DERA: variants seen among roughly 807,000 people sequenced by gnomAD.
DERA encodes the protein 2-deoxy-D-ribose 5-phosphate aldolase.
A neutral mutation model predicts 41.1 loss-of-function variants in DERA; 15 were observed. The observed-to-expected ratio is 0.37, with a 90% CI of 0.24 to 0.56. The LOEUF is 0.56. Ranked by LOEUF, DERA falls within the 20% of genes least tolerant of loss-of-function variation. The pLI, the probability that DERA is intolerant of heterozygous loss-of-function variation, is 0.81. For synonymous variants in DERA, 139 were observed against 137.4 expected (o/e 1.01, Z -0.08); for missense variants, 396 against 403.4 (o/e 0.98, Z 0.16).
chr12:15,949,482 G>A (rs146161216), intron 1 of DERA, among the ~76,000 whole-genome samples: 3,029 of 142,680 alleles, frequency 0.021, 109 homozygotes, highest in African/African-American at 0.072. Context: ...CTCCGTGGGC[G>A]TGGGACCCTC....
rs1356145825 is a variant in DERA, at chr12:16,026,546, T to C, written c.638-5996T>C. Among the ~76,000 whole-genome samples the C allele has an allele frequency of 2.0e-5, 3 of 150,754 alleles. No individual in the cohort carries two copies. Among genetic ancestry groups the C allele is most frequent in the Non-Finnish European group, 4.4e-5 (3 of 67,626 alleles). ...TTATTTAAATTTAATTTAATTTCTT[T>C]TATAAAATATTTAATGTGACTTTTA... is the stretch of plus-strand genomic sequence containing the variant. On this transcript the variant is annotated intron_variant, in intron 6 of 8. Transcript: ENST00000428559. The surrounding 1 kb of genome is among the most constrained non-coding windows in gnomAD (Gnocchi z 4.4).
Position 15,935,343 on chromosome 12 carries a change from C to T in DERA, c.32-21593C>T, listed in dbSNP as rs538230702. On this transcript the variant is annotated intron_variant, in intron 1 of 8. Coordinates refer to ENST00000428559, the MANE Select transcript of DERA (RefSeq NM_015954.4). The surrounding 1 kb of genome is among the most constrained non-coding windows in gnomAD (Gnocchi z 4.8). ...CTCTACAAAAAATATAAAAATTAGCCAGGTGTGGTGGCATCCACCTGTAGT... is the reference window on the plus strand; with the variant it reads ...CTCTACAAAAAATATAAAAATTAGCTAGGTGTGGTGGCATCCACCTGTAGT... 6.6e-6 allele frequency among the ~76,000 whole-genome samples: 1 copy of T among 152,004 alleles called. No individual in the cohort carries two copies. The highest frequency in any genetic ancestry group is 6.6e-5 in the Admixed American group (1 of 15,262).
chr12:15,956,120 G>C (rs542143791), intron 1 of DERA, among the ~76,000 whole-genome samples: 16 of 152,326 alleles, frequency 1.1e-4, no homozygotes, highest in African/African-American at 3.8e-4. Context: ...TACAACGAAT[G>C]GTTTCACCAG....
rs1198646283 is a variant in DERA at position 15,911,519 on chromosome 12, G to A, written c.31+105G>A. 1.7e-6 allele frequency: 2 copies of A among 1,193,094 alleles called. No homozygotes were observed. The highest frequency in any genetic ancestry group is 2.6e-5 in the East Asian group (1 of 38,028). 73.9% of individuals were successfully genotyped at this position (1,193,094 alleles called of 1,614,324 possible). On this transcript the variant is annotated intron_variant, in intron 1 of 8. Transcript: ENST00000428559. This position sits in a 1 kb window ranked among gnomAD's most constrained non-coding sequence, Gnocchi z 4.5. ...CAGTGCCCTGGCTGTGGGTCCCCGA[G>A]GGGTTTTCGCTGGGGCGGGAAGCAG...
chr12:15,970,306 T>A lies in DERA; in HGVS notation c.508+7359T>A, dbSNP rs1221896452. Among the ~76,000 whole-genome samples the A allele has an allele frequency of 1.3e-5, 2 of 152,210 alleles. No homozygotes were observed. The highest frequency in any genetic ancestry group is 2.9e-5 in the Non-Finnish European group (2 of 68,030). On this transcript the variant is annotated intron_variant, in intron 5 of 8. Coordinates refer to ENST00000428559, the MANE Select transcript of DERA (RefSeq NM_015954.4). This position sits in a 1 kb window ranked among gnomAD's most constrained non-coding sequence, Gnocchi z 4.3. ...ACAATTATTTTTAAGTGCCTTTGAATAGCAGGAAATATAGAAGGAAATATA... is the reference window on the plus strand; with the variant it reads ...ACAATTATTTTTAAGTGCCTTTGAAAAGCAGGAAATATAGAAGGAAATATA...
rs796160857 is a variant in DERA at position 15,978,671 on chromosome 12, C to T, written c.509-3637C>T. ...AACTTGTTTGTGATATATAGTAAGC[C>T]GTTTCCCCCAGACTGTTTTTTTAGG... is the stretch of plus-strand genomic sequence containing the variant. On this transcript the variant is annotated intron_variant, in intron 5 of 8. Coordinates refer to ENST00000428559, the MANE Select transcript of DERA (RefSeq NM_015954.4). 7.9e-5 allele frequency among the ~76,000 whole-genome samples: 12 copies of T among 152,190 alleles called. No homozygotes were observed. In the South Asian group the frequency reaches 8.3e-4, roughly 11 times the overall value.
In DERA at chr12:15,962,908, G is replaced by T. The variant is rs369397820; in HGVS notation, c.469G>T (p.Val157Leu). ...AGATGGAGCTACAGAAATCGACGTG[G>T]TAATTAACAGAAGCTTGGTGCTGAC... ...VEDGATEIDV[V>L]INRSLVLTGQ... is the part of the protein sequence containing the mutation. Residue 157 changes from valine (V) to leucine (L), a missense_variant, in exon 5 of 9, where the codon GTA (valine) becomes TTA (leucine). Coordinates refer to ENST00000428559, the MANE Select transcript of DERA (RefSeq NM_015954.4). The T allele has an allele frequency of 6.2e-6, 10 of 1,602,612 alleles. No individual in the cohort carries two copies. In the African/African-American group the frequency reaches 1.3e-4, roughly 21 times the overall value.
chr12:15,912,316 G>C (rs1170699793), intron 1 of DERA, among the ~76,000 whole-genome samples: 1 of 152,144 alleles, frequency 6.6e-6, no homozygotes, highest in Non-Finnish European at 1.5e-5. Flanking sequence ...ACATGTTTCA[G>C]AGAGCACAGG....
Position 15,936,911 on chromosome 12 carries a change from CTGT to C in DERA, c.32-20024_32-20022del, listed in dbSNP as rs1565588682. Among the ~76,000 whole-genome samples, 1,485 of 142,206 alleles carry C rather than the reference CTGT, an allele frequency of 0.01. 45 individuals are homozygous for C. Among genetic ancestry groups the C allele is most frequent in the African/African-American group, 0.037 (1,420 of 38,408 alleles). The allele number at this position is 142,206 out of a possible 152,430, so 93.3% of individuals were successfully genotyped here. On this transcript the variant is annotated intron_variant, in intron 1 of 8. Transcript: ENST00000428559. This position sits in a 1 kb window ranked among gnomAD's most constrained non-coding sequence, Gnocchi z 4.6. ...TTGTCCTGTCCTGTCCTGTCCTGTC[CTGT>C]CCTGTCCTGTCCTGTCCTGTCTTGT...
chr12:15,963,657 T>G (rs1948604017), intron 5 of DERA, among the ~76,000 whole-genome samples: 1 of 152,204 alleles, frequency 6.6e-6, no homozygotes, highest in Non-Finnish European at 1.5e-5. Context: ...TTATAATAAA[T>G]AGTTTAACCA....
Position 16,014,913 on chromosome 12 carries a change from G to C in DERA, c.638-17629G>C, listed in dbSNP as rs556431002. ...TGATATGAGACATGGAGTCAAAGGA[G>C]ATCTTTTTGTAGCTTTAAGATTTGA... On this transcript the variant is annotated intron_variant, in intron 6 of 8. Transcript: ENST00000428559. The surrounding 1 kb of genome is among the most constrained non-coding windows in gnomAD (Gnocchi z 5.4). Among the ~76,000 whole-genome samples, 9 of 152,312 alleles carry C rather than the reference G, an allele frequency of 5.9e-5. No individual in the cohort carries two copies. In the South Asian group the frequency reaches 1.9e-3, roughly 32 times the overall value.
chr12:16,022,296 C>T (rs1287343566), intron 6 of DERA, among the ~76,000 whole-genome samples: 1 of 152,134 alleles, frequency 6.6e-6, no homozygotes, highest in Admixed American at 6.5e-5. Flanking sequence ...TCCCTCTTTG[C>T]CTTCTGCCAT....
In DERA at chr12:15,911,486, C is replaced by T. The variant is rs1948163215; in HGVS notation, c.31+72C>T. On this transcript the variant is annotated intron_variant, in intron 1 of 8. Transcript: ENST00000428559. This position sits in a 1 kb window ranked among gnomAD's most constrained non-coding sequence, Gnocchi z 4.5. Reference sequence around the variant, plus strand: ...GCCGCCGGGACTAGCGCGGGGCCTGCTGCCGCCCAGTGCCCTGGCTGTGGG... The same window carrying T: ...GCCGCCGGGACTAGCGCGGGGCCTGTTGCCGCCCAGTGCCCTGGCTGTGGG... The T allele has an allele frequency of 7.4e-7, 1 of 1,360,510 alleles. No homozygotes were observed. Among genetic ancestry groups the T allele is most frequent in the Non-Finnish European group, 9.6e-7 (1 of 1,038,272 alleles). The allele number at this position is 1,360,510 out of a possible 1,614,324, so 84.3% of individuals were successfully genotyped here. A position where few individuals can be genotyped will look rare whatever the true frequency, so the allele number is the denominator to read the frequency against.
At position 15,960,458 on chromosome 12, in the gene DERA, C is replaced by CA. The variant is rs565743496; in HGVS notation, c.373+538dup. 1.1e-4 allele frequency among the ~76,000 whole-genome samples: 16 copies of CA among 150,754 alleles called. No individual in the cohort carries two copies. The East Asian group carries it at 2.9e-3, about 28-fold the overall frequency. On this transcript the variant is annotated intron_variant, in intron 4 of 8. Transcript: ENST00000428559. Reference sequence around the variant, plus strand: ...TACGAGACCAGCCTGGCCAACATGGCAAAACCCCATCTCTACTAAAAATAC... The same window carrying CA: ...TACGAGACCAGCCTGGCCAACATGGCAAAAACCCCATCTCTACTAAAAATAC...
intron 1 of DERA, among the ~76,000 whole-genome samples, chr12:15,934,884 GT>G (rs1323385495): frequency 2.0e-5 from 3 of 152,150 alleles, no homozygotes; most frequent in African/African-American, 7.2e-5. Flanking sequence ...TCCCCTAAGA[GT>G]TTAAGGAAAA....
In DERA at chr12:16,036,363, C is replaced by G. The variant is rs369358740; in HGVS notation, c.882C>G (p.Leu294=). ...TTCGAATAGGTGCCAGTACTCTGCT[C>G]TCGGACATTGAGAGGCAGGTGAGTA... ...ELFRIGASTL[L]SDIERQIYHH... The change falls in exon 8 of 9, where the codon CTC becomes CTG. Residue 294 remains leucine (L), a synonymous_variant. Transcript: ENST00000428559. The surrounding 1 kb of genome is among the most constrained non-coding windows in gnomAD (Gnocchi z 4.9). 147 of 1,602,500 alleles carry G rather than the reference C, an allele frequency of 9.2e-5. No homozygotes were observed. The highest frequency in any genetic ancestry group is 6.7e-5 in the Non-Finnish European group (79 of 1,176,300).
chr12:15,947,344 G>T (rs1424634124), intron 1 of DERA, among the ~76,000 whole-genome samples: 1 of 152,194 alleles, frequency 6.6e-6, no homozygotes, highest in Admixed American at 6.5e-5. Flanking sequence ...GGGAGTCTGA[G>T]TCTCTTTGTA....
At position 16,014,840 on chromosome 12, in the gene DERA, T is replaced by C. The variant is rs7970046; in HGVS notation, c.638-17702T>C. Among the ~76,000 whole-genome samples, 12,364 of 152,140 alleles carry C rather than the reference T, an allele frequency of 0.081. 1,502 individuals carry two copies. The highest frequency in any genetic ancestry group is 0.26 in the African/African-American group (10,688 of 41,474). ...ACTGTACCCTGCAAAGCCACAGGGG[T>C]GGAGCTGCCCAAGACCATTGGAACC... On this transcript the variant is annotated intron_variant, in intron 6 of 8. Transcript: ENST00000428559. This position sits in a 1 kb window ranked among gnomAD's most constrained non-coding sequence, Gnocchi z 5.4.
chr12:15,917,276 G>C (rs1162866949), intron 1 of DERA, among the ~76,000 whole-genome samples: 1 of 152,186 alleles, frequency 6.6e-6, no homozygotes, highest in Non-Finnish European at 1.5e-5. Flanking sequence ...TTTGACTCTA[G>C]CTCTTAGCTC....
Sources: gnomAD v4.1 joint callset for allele counts (sites outside exome capture counted in the v4.1 genomes callset) on GRCh38, gnomAD v4.1.1 for gene constraint, Gnocchi (gnomAD v3.1) non-coding constraint, MANE v1.5 for transcripts, NCBI Gene and HGNC (gene_info 2026-07-23, HGNC 2026-07-21) for gene names.